Variants in ICA1L observed in about 807,000 individuals in gnomAD.
The protein encoded by ICA1L is islet cell autoantigen 1 like.
In ICA1L, 50 loss-of-function variants were observed where a neutral mutation model predicts 61.3. The ratio of observed to expected loss-of-function variants is 0.82; its 90% confidence interval spans 0.65 to 1.03. The LOEUF (loss-of-function observed/expected upper bound fraction) is 1.03. ICA1L is among the 50% of genes least tolerant of loss of function. The pLI is 0.00. For synonymous variants in ICA1L, 161 were observed against 191.3 expected, an observed-to-expected ratio of 0.84 and a Z score of 1.31; for missense variants, 508 against 556.7, an observed-to-expected ratio of 0.91 and a Z score of 0.88.
At chr2:202,832,231 G>C (rs1404840716) in intron 1 of ICA1L, among the ~76,000 whole-genome samples, 1 of 152,044 alleles carries the variant, frequency 6.6e-6, no homozygotes, top group African/African-American at 2.4e-5. Flanking sequence ...AAAATCCCAA[G>C]TATCCAATCA....
At chr2:202,836,796 TATATATATAG>T (rs1470084697) in intron 1 of ICA1L, among the ~76,000 whole-genome samples, 86 of 148,292 alleles carry the variant, frequency 5.8e-4, no homozygotes, top group African/African-American at 1.9e-3. Context: ...TGTGTATATC[TATATATATAG>T]ATATATATAG....
intron 1 of ICA1L, among the ~76,000 whole-genome samples, chr2:202,850,322 G>C (rs181995576): frequency 6.6e-6 from 1 of 152,290 alleles, no homozygotes; most frequent in East Asian, 1.9e-4. Flanking sequence ...TCAGAAGGTG[G>C]ATAGTAACAA....
chr2:202,808,225 G>A (rs568972949), intron 9 of ICA1L, among the ~76,000 whole-genome samples: 3 of 151,728 alleles, frequency 2.0e-5, no homozygotes, highest in African/African-American at 7.3e-5. Context: ...GACCTGCCCT[G>A]GGCTAAAGGG....
chr2:202,815,159 C>T, intron 7 of ICA1L, among the ~76,000 whole-genome samples: 1 of 152,182 alleles, frequency 6.6e-6, no homozygotes, highest in East Asian at 1.9e-4. Context: ...TGCCTAAATA[C>T]ACAGTATGCC....
intron 11 of ICA1L, among the ~76,000 whole-genome samples, chr2:202,786,418 G>A (rs1173085482): frequency 1.3e-5 from 2 of 151,778 alleles, no homozygotes; most frequent in African/African-American, 2.4e-5. Flanking sequence ...GCGCGGTGGC[G>A]GGCGCCTGTA....
chr2:202,829,774 G>GA (rs1163395121), intron 1 of ICA1L, among the ~76,000 whole-genome samples: 3 of 152,182 alleles, frequency 2.0e-5, no homozygotes, highest in East Asian at 3.9e-4. Context: ...GTTATGTCTA[G>GA]AAAAAATTAT....
intron 7 of ICA1L, 43 bp from the exon 8 acceptor site, chr2:202,814,827 GTTTC>G (rs774373741): frequency 7.8e-7 from 1 of 1,276,942 alleles, no homozygotes; most frequent in South Asian, 1.2e-5. Flanking sequence ...GAATGAATCT[GTTTC>G]TTCTTCTCTG....
chr2:202,835,024 T>C (rs140770858), intron 1 of ICA1L, among the ~76,000 whole-genome samples: 45 of 152,084 alleles, frequency 3.0e-4, no homozygotes, highest in Non-Finnish European at 5.4e-4. Flanking sequence ...GTAGTGACAA[T>C]GTCCCACTAT....
chr2:202,864,466 C>T (rs934307415), intron 1 of ICA1L, among the ~76,000 whole-genome samples: 1 of 152,030 alleles, frequency 6.6e-6, no homozygotes. Flanking sequence ...ATCTCCTGAC[C>T]TCGTGATCCA....
At chr2:202,828,714 G>T in intron 2 of ICA1L, 134 bp downstream of exon 2, 1 of 757,630 alleles carries the variant, frequency 1.3e-6, no homozygotes, top group Non-Finnish European at 2.1e-6. Context: ...TTGACAGATG[G>T]ATACAACTAA....
chr2:202,825,559 C>T (rs1043862828), intron 3 of ICA1L, 136 bp downstream of exon 3: 1 of 1,342,780 alleles, frequency 7.4e-7, no homozygotes, highest in African/African-American at 1.5e-5. Context: ...CCTTTGAGAA[C>T]AGGTAACTGT....
chr2:202,861,988 G>A (rs1350470627), intron 1 of ICA1L, among the ~76,000 whole-genome samples: 1 of 121,282 alleles, frequency 8.2e-6, no homozygotes, highest in African/African-American at 3.2e-5. Context: ...TGACCTAATT[G>A]ACATTTATAC....
Position 202,819,808 on chromosome 2 carries a change from GATTA to G in ICA1L, c.447_450del (p.Asn150GlyfsTer16). On this transcript the variant is annotated frameshift_variant, in exon 5 of 13. Transcript: ENST00000358299. LOFTEE classifies it high-confidence loss of function. ...TATTCTGTGCGTGCCTGCTCCATCCGATTAATTGTCATCAAGGTATCAGATACTG... is the reference window on the plus strand; with the variant it reads ...TATTCTGTGCGTGCCTGCTCCATCCGATTGTCATCAAGGTATCAGATACTG... 2.5e-6 allele frequency: 4 copies of G among 1,613,778 alleles called. No homozygotes were observed. Among genetic ancestry groups the G allele is most frequent in the Non-Finnish European group, 2.5e-6 (3 of 1,179,750 alleles).
intron 1 of ICA1L, among the ~76,000 whole-genome samples, chr2:202,838,741 G>A (rs1293838219): frequency 1.3e-5 from 2 of 152,120 alleles, no homozygotes; most frequent in Non-Finnish European, 2.9e-5. Flanking sequence ...AATACCTGAA[G>A]CTGGGTAATT....
intron 7 of ICA1L, 77 bp downstream of exon 7, chr2:202,815,831 TAAA>T (rs374333116): frequency 1.6e-4 from 113 of 696,330 alleles, no homozygotes; most frequent in South Asian, 2.0e-4. Flanking sequence ...TAACCTTGGT[TAAA>T]AAAAAAAAAA....
intron 3 of ICA1L, among the ~76,000 whole-genome samples, chr2:202,823,144 C>T (rs1255868308): frequency 6.6e-6 from 1 of 152,138 alleles, no homozygotes; most frequent in African/African-American, 2.4e-5. Context: ...TTTATCATTG[C>T]AGAAAGAGCA....
At chr2:202,841,565 T>A (rs753058664) in intron 1 of ICA1L, 4 of 707,452 alleles carry the variant, frequency 5.7e-6, no homozygotes, top group Non-Finnish European at 1.1e-5. Flanking sequence ...CAGGCTCTGG[T>A]TGACTGTGAC....
At chr2:202,842,696 G>C (rs1574372531) in intron 1 of ICA1L, among the ~76,000 whole-genome samples, 3 of 152,232 alleles carry the variant, frequency 2.0e-5, no homozygotes, top group Admixed American at 2.0e-4. Flanking sequence ...CCTTTCCTCA[G>C]ATTTGGAAAT....
At chr2:202,784,614 A>G (rs576966632) in intron 12 of ICA1L, among the ~76,000 whole-genome samples, 102 of 152,346 alleles carry the variant, frequency 6.7e-4, no homozygotes, top group Non-Finnish European at 1.2e-3. Flanking sequence ...GTTGTGTTGT[A>G]TCTGTCAAAC....
Sources: allele counts gnomAD v4.1 joint callset (sites outside exome capture counted in the v4.1 genomes callset), GRCh38; gene constraint gnomAD v4.1.1; transcripts MANE v1.5; gene names NCBI Gene and HGNC (gene_info 2026-07-23, HGNC 2026-07-21).